DLC1: variants seen among roughly 807,000 people sequenced by gnomAD.
DLC1 encodes the protein DLC1 Rho GTPase activating protein.
Under a neutral mutation model 140.3 loss-of-function variants are expected in DLC1, and 54 were observed. That is an observed-to-expected ratio of 0.38 (90% CI 0.31 to 0.48). DLC1 has a LOEUF of 0.48. Ranked by LOEUF, DLC1 falls within the 20% of genes least tolerant of loss-of-function variation. The probability of loss-of-function intolerance (pLI) is 0.96; values close to 1 mark genes in which losing one functional copy is unlikely to be tolerated. For synonymous variants in DLC1, 986 were observed against 728.1 expected, an observed-to-expected ratio of 1.35 and a Z score of -5.70; for missense variants, 2,536 against 1,907.0, an observed-to-expected ratio of 1.33 and a Z score of -6.14.
At chr8:13,234,491 T>C (rs1829192486) in intron 5 of DLC1, among the ~76,000 whole-genome samples, 1 of 152,172 alleles carries the variant, frequency 6.6e-6, no homozygotes, top group Admixed American at 6.5e-5. Context: ...GTTTTGGCTA[T>C]GTAGCTAATT....
rs548601567 is a variant in DLC1 at position 13,105,821 on chromosome 8, G to A, written c.1503-2968C>T. ...TCGACCTCCTGAGCTCAGGCAATCC[G>A]CTCATCTCGGCCTCCCAAAGTGCTA... On this transcript the variant is annotated intron_variant, in intron 7 of 17. Coordinates refer to ENST00000276297, the MANE Select transcript of DLC1 (RefSeq NM_182643.3). 1.0e-3 allele frequency among the ~76,000 whole-genome samples: 157 copies of A among 151,976 alleles called. 1 individual carries two copies. Among genetic ancestry groups the A allele is most frequent in the Non-Finnish European group, 2.0e-3 (134 of 67,982 alleles).
chr8:13,272,554 A>G (rs1053344854), intron 5 of DLC1, among the ~76,000 whole-genome samples: 1 of 152,038 alleles, frequency 6.6e-6, no homozygotes, highest in African/African-American at 2.4e-5. Context: ...GTGTGCACAC[A>G]ATACCTTTAA....
At chr8:13,533,654 G>A (rs1416961273) in intron 1 of DLC1, among the ~76,000 whole-genome samples, 1 of 152,134 alleles carries the variant, frequency 6.6e-6, no homozygotes, top group Non-Finnish European at 1.5e-5. Context: ...CAAACAAGAT[G>A]CTTAAAACCC....
At chr8:13,548,549 T>A (rs78202710) in intron 1 of DLC1, among the ~76,000 whole-genome samples, 2,530 of 152,136 alleles carry the variant, frequency 0.017, 116 homozygotes, top group East Asian at 0.17. Context: ...GGTTTGAATG[T>A]CTGAAAATTA....
At chr8:13,308,551 A>C (rs1298151751) in intron 4 of DLC1, among the ~76,000 whole-genome samples, 1 of 152,196 alleles carries the variant, frequency 6.6e-6, no homozygotes, top group African/African-American at 2.4e-5. Context: ...CAATTGAAAA[A>C]TGCTGACACT....
chr8:13,106,280 A>G (rs189951885), intron 7 of DLC1, among the ~76,000 whole-genome samples: 1 of 152,346 alleles, frequency 6.6e-6, no homozygotes, highest in Non-Finnish European at 1.5e-5. Flanking sequence ...GACTCTCACA[A>G]ATAAAAATGG....
intron 5 of DLC1, among the ~76,000 whole-genome samples, chr8:13,280,477 A>G (rs1002150641): frequency 1.3e-5 from 2 of 152,072 alleles, no homozygotes; most frequent in African/African-American, 4.8e-5. Flanking sequence ...CCTAAGCTAG[A>G]GATTCTGGTT....
At chr8:13,494,993 G>C (rs1801437074) in intron 2 of DLC1, among the ~76,000 whole-genome samples, 1 of 151,984 alleles carries the variant, frequency 6.6e-6, no homozygotes, top group Admixed American at 6.6e-5. Flanking sequence ...GATAAACTAA[G>C]ACCCTAACAT....
Position 13,100,452 on chromosome 8 carries a change from T to C in DLC1, c.1885A>G (p.Asn629Asp). ...NSVISVCSSS[N>D]LAGNDDSFGS... ...AAAGAGTCGTCATTGCCTGCCAAGT[T>C]GCTGGAGGAGCAAACGCTGATGACG... Residue 629 changes from asparagine (N) to aspartate (D), a missense_variant, in exon 9 of 18, where the codon AAC becomes GAC. Transcript: ENST00000276297. 1 of 1,613,834 alleles carries C rather than the reference T, an allele frequency of 6.2e-7. No individual in the cohort carries two copies. Among genetic ancestry groups the C allele is most frequent in the Non-Finnish European group, 8.5e-7 (1 of 1,180,016 alleles).
intron 4 of DLC1, among the ~76,000 whole-genome samples, chr8:13,327,741 A>C (rs1451606758): frequency 1.3e-5 from 2 of 152,250 alleles, no homozygotes; most frequent in Non-Finnish European, 2.9e-5. Context: ...AGCAGTGAAC[A>C]AAGGTAGACA....
At position 13,245,562 on chromosome 8, in the gene DLC1, A is replaced by C. The variant is rs1260900122; in HGVS notation, c.1348+59707T>G. On this transcript the variant is annotated intron_variant, in intron 5 of 17. Transcript: ENST00000276297. ...TGTGCCTCCTGGGAACACATTCTAA[A>C]TGAGCTACCTCCACCTGAATCTTTG... Among the ~76,000 whole-genome samples the C allele has an allele frequency of 2.6e-5, 4 of 152,254 alleles. No individual in the cohort carries two copies. The East Asian group carries it at 7.7e-4, about 29-fold the overall frequency.
intron 4 of DLC1, among the ~76,000 whole-genome samples, chr8:13,389,063 G>A (rs541282941): frequency 2.0e-5 from 3 of 152,068 alleles, no homozygotes; most frequent in South Asian, 2.1e-4. Context: ...TACTCTTGAT[G>A]TTCTTGATTA....
chr8:13,087,783 T>G (rs1172412043), intron 16 of DLC1, among the ~76,000 whole-genome samples: 1 of 152,256 alleles, frequency 6.6e-6, no homozygotes, highest in Non-Finnish European at 1.5e-5. Context: ...AATTCTTCTT[T>G]CAGTAATATC....
intron 2 of DLC1, among the ~76,000 whole-genome samples, chr8:13,482,026 C>T (rs1260979926): frequency 6.6e-6 from 1 of 152,118 alleles, no homozygotes; most frequent in Non-Finnish European, 1.5e-5. Context: ...TCCTTCAGAG[C>T]CAATTGAAGG....
intron 5 of DLC1, among the ~76,000 whole-genome samples, chr8:13,150,310 C>T (rs1585775772): frequency 1.3e-5 from 2 of 152,286 alleles, no homozygotes; most frequent in East Asian, 1.9e-4. Flanking sequence ...CAGCAGGCTT[C>T]ATTATTCCTT....
At chr8:13,476,061 G>A (rs906388258) in intron 2 of DLC1, among the ~76,000 whole-genome samples, 33 of 152,184 alleles carry the variant, frequency 2.2e-4, no homozygotes, top group African/African-American at 7.2e-4. Context: ...TCGTGAAGCA[G>A]AAAGAAACTG....
intron 4 of DLC1, among the ~76,000 whole-genome samples, chr8:13,339,066 C>T (rs1286091115): frequency 1.3e-5 from 2 of 152,190 alleles, no homozygotes; most frequent in Non-Finnish European, 2.9e-5. Context: ...AATACGGGCT[C>T]AGTAAATGTT....
intron 2 of DLC1, among the ~76,000 whole-genome samples, chr8:13,453,440 ATATATATACATATATATATG>A (rs1799210466): frequency 1.3e-4 from 3 of 22,372 alleles, no homozygotes; most frequent in Non-Finnish European, 2.3e-4. Context: ...ATATATATGT[ATATATATACATATATATATG>A]TATATATATA....
intron 4 of DLC1, among the ~76,000 whole-genome samples, chr8:13,331,485 T>C (rs1395260485): frequency 6.6e-6 from 1 of 152,122 alleles, no homozygotes; most frequent in Non-Finnish European, 1.5e-5. Context: ...TGAGGATAAA[T>C]AGTGTTTTGT....
Sources: allele counts gnomAD v4.1 joint callset (sites outside exome capture counted in the v4.1 genomes callset), GRCh38; gene constraint gnomAD v4.1.1; transcripts MANE v1.5; gene names NCBI Gene and HGNC (gene_info 2026-07-23, HGNC 2026-07-21).